Variants in TMEM273 observed in about 807,000 individuals in gnomAD.
The protein encoded by TMEM273 is transmembrane protein 273, also known as chromosome 10 open reading frame 128.
TMEM273 carries 19 observed loss-of-function variants against 17.9 expected under a neutral mutation model. That is an observed-to-expected ratio of 1.06 (90% CI 0.74 to 1.55). The LOEUF is 1.55. TMEM273 is among the 40% of genes most tolerant of loss of function. The pLI, the probability that TMEM273 is intolerant of heterozygous loss-of-function variation, is 0.00. For missense variants in TMEM273, 194 were observed against 155.6 expected (o/e 1.25, Z -1.31); for synonymous variants, 66 against 62.0 (o/e 1.07, Z -0.31).
chr10:49,162,154 G>A (rs545196471), intron 5 of TMEM273, among the ~76,000 whole-genome samples: 8 of 152,276 alleles, frequency 5.3e-5, no homozygotes, highest in Non-Finnish European at 8.8e-5. Context: ...CCTCTTAGAT[G>A]ATCATGCATA....
At chr10:49,188,085 A>G (rs1847833467) in intron 1 of TMEM273, among the ~76,000 whole-genome samples, 1 of 152,182 alleles carries the variant, frequency 6.6e-6, no homozygotes, top group Admixed American at 6.5e-5. Context: ...GACCCTTCCT[A>G]TTCTCCTTTA....
chr10:49,177,951 G>A (rs12260156), intron 1 of TMEM273, among the ~76,000 whole-genome samples: 6,316 of 152,244 alleles, frequency 0.041, 453 homozygotes, highest in African/African-American at 0.14. Context: ...AGAGATGGGT[G>A]CCCTGGGGCC....
intron 6 of TMEM273, among the ~76,000 whole-genome samples, chr10:49,156,498 AG>A (rs1845519480): frequency 6.6e-6 from 1 of 152,244 alleles, no homozygotes; most frequent in Non-Finnish European, 1.5e-5. Flanking sequence ...GACCCTGCGA[AG>A]GGCCTCACTT....
intron 6 of TMEM273, 55 bp from the exon 7 acceptor site, chr10:49,155,964 A>C (rs1845482220): frequency 1.9e-6 from 3 of 1,613,276 alleles, no homozygotes; most frequent in Non-Finnish European, 1.7e-6. Flanking sequence ...CTATACTCTA[A>C]TGATTGCATG....
chr10:49,155,356 T>C lies in TMEM273; in HGVS notation c.*536A>G, dbSNP rs1458768485. The C allele has an allele frequency of 6.5e-6, 1 of 154,802 alleles. No homozygotes were observed. The highest frequency in any genetic ancestry group is 2.4e-5 in the African/African-American group (1 of 41,432). 9.6% of individuals were successfully genotyped at this position (154,802 alleles called of 1,614,324 possible). A position where few individuals can be genotyped will look rare whatever the true frequency, so the allele number is the denominator to read the frequency against. On this transcript the variant is annotated 3_prime_UTR_variant, in exon 7 of 7. Transcript: ENST00000374153. ...CCAGAAGGCCAGTGTTCATCATCGA[T>C]AGGGCTAGAGACCATCCCGGAGTCC...
intron 6 of TMEM273, among the ~76,000 whole-genome samples, chr10:49,159,305 T>C (rs1431248266): frequency 6.6e-6 from 1 of 152,236 alleles, no homozygotes; most frequent in Non-Finnish European, 1.5e-5. Context: ...TTAATTTCAT[T>C]TGAACACAAT....
chr10:49,178,016 C>G (rs12246019), intron 1 of TMEM273, among the ~76,000 whole-genome samples: 9,632 of 152,246 alleles, frequency 0.063, 1,023 homozygotes, highest in African/African-American at 0.22. Context: ...AGCCAGCCTC[C>G]CCTCTCCTGG....
intron 1 of TMEM273, among the ~76,000 whole-genome samples, chr10:49,183,484 C>A (rs1331625282): frequency 6.6e-6 from 1 of 151,884 alleles, no homozygotes; most frequent in Admixed American, 6.6e-5. Context: ...TATTCTTATA[C>A]TTTTCTTGAA....
At chr10:49,157,256 T>A (rs1432561970) in intron 6 of TMEM273, among the ~76,000 whole-genome samples, 6 of 152,338 alleles carry the variant, frequency 3.9e-5, no homozygotes, top group Non-Finnish European at 7.3e-5. Flanking sequence ...CAGGTAGCGA[T>A]ACCTCTGCAG....
rs912279546 is a variant in TMEM273, at chr10:49,178,108, G to C, written c.44-10146C>G. On this transcript the variant is annotated intron_variant, in intron 1 of 6. Coordinates refer to ENST00000374153, the MANE Select transcript of TMEM273 (RefSeq NM_001288740.3). ...TGCAGCCAGGCACTCTTCCTGTAAGGCTGTTTAAAATCCTACAGAATAAGG... is the reference window on the plus strand; with the variant it reads ...TGCAGCCAGGCACTCTTCCTGTAAGCCTGTTTAAAATCCTACAGAATAAGG... The C allele has an allele frequency of 3.8e-5, 17 of 445,098 alleles. No individual in the cohort carries two copies. The Admixed American group carries it at 3.8e-4, about 10-fold the overall frequency. The allele number at this position is 445,098 out of a possible 1,614,324, so 27.6% of individuals were successfully genotyped here.
At chr10:49,173,871 ATAGCGTTTCCC>A (rs1846758699) in intron 1 of TMEM273, among the ~76,000 whole-genome samples, 1 of 152,164 alleles carries the variant, frequency 6.6e-6, no homozygotes, top group Admixed American at 6.5e-5. Flanking sequence ...AGGGGGGGCG[ATAGCGTTTCCC>A]CTGTGGCTCT....
intron 5 of TMEM273, among the ~76,000 whole-genome samples, chr10:49,164,295 C>T (rs1025555874): frequency 5.9e-5 from 9 of 152,186 alleles, no homozygotes; most frequent in African/African-American, 2.2e-4. Flanking sequence ...GTCTCAGTCC[C>T]TCATCCCAGG....
intron 5 of TMEM273, among the ~76,000 whole-genome samples, chr10:49,162,794 C>T (rs1845928269): frequency 6.6e-6 from 1 of 152,222 alleles, no homozygotes; most frequent in Admixed American, 6.5e-5. Context: ...CTGCACTCCT[C>T]ACCACAGATG....
chr10:49,174,903 G>A (rs764801476), intron 1 of TMEM273, among the ~76,000 whole-genome samples: 5 of 152,114 alleles, frequency 3.3e-5, no homozygotes, highest in Non-Finnish European at 7.4e-5. Flanking sequence ...TTCCACATAC[G>A]GCAGTCCCTG....
At chr10:49,185,806 G>A (rs1005128805) in intron 1 of TMEM273, among the ~76,000 whole-genome samples, 4 of 151,838 alleles carry the variant, frequency 2.6e-5, no homozygotes, top group East Asian at 1.9e-4. Context: ...TGGAGAAGCC[G>A]CATCTCTACT....
chr10:49,186,068 G>GAAGAAGAAGAAGAAGAAGAA lies in TMEM273; in HGVS notation c.43+2225_43+2226insTTCTTCTTCTTCTTCTTCTT, dbSNP rs1554850042. On this transcript the variant is annotated intron_variant, in intron 1 of 6. Coordinates refer to ENST00000374153, the MANE Select transcript of TMEM273 (RefSeq NM_001288740.3). ...AAGAAGAAGAGGAAGAAGAAGAAGA[G>GAAGAAGAAGAAGAAGAAGAA]GAAGAAGAAGAAGAAGAAGAAGAAG... Among the ~76,000 whole-genome samples the GAAGAAGAAGAAGAAGAAGAA allele has an allele frequency of 1.9e-3, 130 of 67,164 alleles. 1 individual carries two copies. The highest frequency in any genetic ancestry group is 2.3e-3 in the African/African-American group (45 of 19,784). The allele number at this position is 67,164 out of a possible 152,430, so 44.1% of individuals were successfully genotyped here. A position where few individuals can be genotyped will look rare whatever the true frequency, so the allele number is the denominator to read the frequency against.
At chr10:49,174,739 T>A (rs1846836231) in intron 1 of TMEM273, among the ~76,000 whole-genome samples, 2 of 152,070 alleles carry the variant, frequency 1.3e-5, no homozygotes, top group South Asian at 4.1e-4. Context: ...CTCTGGGAGC[T>A]TTTAGACAAC....
intron 1 of TMEM273, among the ~76,000 whole-genome samples, chr10:49,180,804 C>G (rs1307743018): frequency 6.6e-6 from 1 of 152,206 alleles, no homozygotes; most frequent in Non-Finnish European, 1.5e-5. Flanking sequence ...GCACCTACAG[C>G]TATAACCAAA....
chr10:49,181,469 TA>T (rs1252526371), intron 1 of TMEM273, among the ~76,000 whole-genome samples: 2 of 152,182 alleles, frequency 1.3e-5, no homozygotes, highest in Non-Finnish European at 1.5e-5. Context: ...AGACTTAATA[TA>T]TTTACAGAAA....
Sources: allele counts gnomAD v4.1 joint callset (sites outside exome capture counted in the v4.1 genomes callset), GRCh38; gene constraint gnomAD v4.1.1; transcripts MANE v1.5; gene names NCBI Gene and HGNC (gene_info 2026-07-23, HGNC 2026-07-21).